Variants in LAMA2 observed in about 807,000 individuals in gnomAD.
LAMA2 encodes laminin subunit alpha-2.
Under a neutral mutation model 364.8 loss-of-function variants are expected in LAMA2, and 269 were observed. That is an observed-to-expected ratio of 0.74 (90% CI 0.67 to 0.82). The LOEUF (loss-of-function observed/expected upper bound fraction) is 0.82. Among genes scored for constraint, LAMA2 ranks in the 40% least tolerant of loss-of-function variants. LAMA2 has a pLI of 0.00. For synonymous variants in LAMA2, 1,379 were observed against 1,370.6 expected (o/e 1.01, Z -0.14); for missense variants, 3,807 against 3,873.2 (o/e 0.98, Z 0.45).
chr6:129,357,841 C>G (rs1310005698), intron 32 of LAMA2, among the ~76,000 whole-genome samples: 6 of 151,854 alleles, frequency 4.0e-5, no homozygotes, highest in Admixed American at 3.9e-4. Context: ...AGTGATTGCC[C>G]CCTATATATG....
chr6:129,157,872 A>G, intron 8 of LAMA2: 1 of 1,614,246 alleles, frequency 6.2e-7, no homozygotes. Context: ...GTTTTTGTTC[A>G]GGCTTTCGTC....
At chr6:128,894,178 C>T (rs183615213) in intron 1 of LAMA2, among the ~76,000 whole-genome samples, 460 of 152,234 alleles carry the variant, frequency 3.0e-3, no homozygotes, top group Middle Eastern at 0.01. Context: ...ATCTACGGAT[C>T]TATCTTACAC....
At chr6:129,506,967 T>A (rs1786136100) in intron 61 of LAMA2, among the ~76,000 whole-genome samples, 1 of 152,090 alleles carries the variant, frequency 6.6e-6, no homozygotes, top group Non-Finnish European at 1.5e-5. Flanking sequence ...CCCCCAATGT[T>A]TCATGCAAAC....
intron 3 of LAMA2, among the ~76,000 whole-genome samples, chr6:129,090,281 G>A (rs1217294684): frequency 6.6e-6 from 1 of 152,058 alleles, no homozygotes; most frequent in African/African-American, 2.4e-5. Flanking sequence ...CACCCCTCCA[G>A]ATTATTGGGA....
intron 12 of LAMA2, among the ~76,000 whole-genome samples, chr6:129,228,039 C>T (rs1784434662): frequency 6.6e-6 from 1 of 152,174 alleles, no homozygotes; most frequent in Admixed American, 6.5e-5. Flanking sequence ...GCGGGCGCCC[C>T]TCTCCCAACC....
chr6:129,416,095 C>T lies in LAMA2; in HGVS notation c.5866-11657C>T, dbSNP rs1162836545. 2.1e-5 allele frequency among the ~76,000 whole-genome samples: 2 copies of T among 95,942 alleles called. 1 individual carries two copies. The highest frequency in any genetic ancestry group is 4.1e-5 in the Non-Finnish European group (2 of 48,970). The allele number at this position is 95,942 out of a possible 152,430, so 62.9% of individuals were successfully genotyped here. A position where few individuals can be genotyped will look rare whatever the true frequency, so the allele number is the denominator to read the frequency against. ...TCCCAAGTAGCTGGGACTACAGGCG[C>T]CCGCCACTACGCCCGGCTAATTTTT... is the stretch of plus-strand genomic sequence containing the variant. On this transcript the variant is annotated intron_variant, in intron 40 of 64. Coordinates refer to ENST00000421865, the MANE Select transcript of LAMA2 (RefSeq NM_000426.4).
At chr6:129,190,093 G>A in intron 10 of LAMA2, 112 bp from the exon 11 acceptor site, 1 of 1,060,886 alleles carries the variant, frequency 9.4e-7, no homozygotes, top group Admixed American at 1.7e-5. Context: ...GTTAAATATA[G>A]TTGAGAGGGT....
At chr6:129,158,155 A>G (rs1205432623) in intron 8 of LAMA2, 1 of 1,612,814 alleles carries the variant, frequency 6.2e-7, no homozygotes, top group Non-Finnish European at 8.5e-7. Context: ...AGCGTAGCAC[A>G]TTTCAGGAAG....
chr6:129,282,282 A>G (rs1315457311), intron 18 of LAMA2, among the ~76,000 whole-genome samples: 1 of 152,214 alleles, frequency 6.6e-6, no homozygotes, highest in Non-Finnish European at 1.5e-5. Flanking sequence ...TTATGTGGCC[A>G]TAAACCCTCT....
intron 1 of LAMA2, among the ~76,000 whole-genome samples, chr6:128,900,443 A>G (rs1777018995): frequency 6.6e-6 from 1 of 152,182 alleles, no homozygotes; most frequent in African/African-American, 2.4e-5. Flanking sequence ...TGATAGAAAA[A>G]TAGAAAAGGA....
At chr6:129,285,033 A>G (rs1371853066) in intron 18 of LAMA2, among the ~76,000 whole-genome samples, 1 of 152,176 alleles carries the variant, frequency 6.6e-6, no homozygotes, top group African/African-American at 2.4e-5. Context: ...AGGGCTTGAC[A>G]TTTCACATTA....
chr6:129,433,172 G>T (rs1583737207), intron 41 of LAMA2, among the ~76,000 whole-genome samples: 2 of 152,134 alleles, frequency 1.3e-5, no homozygotes, highest in African/African-American at 4.8e-5. Flanking sequence ...AAATATAAAG[G>T]TTCAGGAAAT....
At chr6:128,949,906 G>A (rs775335741) in intron 1 of LAMA2, among the ~76,000 whole-genome samples, 35 of 152,152 alleles carry the variant, frequency 2.3e-4, no homozygotes, top group African/African-American at 4.6e-4. Flanking sequence ...TTAACTAGAC[G>A]ATTTGAAACT....
intron 1 of LAMA2, among the ~76,000 whole-genome samples, chr6:128,898,357 T>C (rs1051864519): frequency 6.6e-6 from 1 of 152,224 alleles, no homozygotes; most frequent in Admixed American, 6.5e-5. Flanking sequence ...ACATAGGTAC[T>C]CTGCATTTCC....
intron 3 of LAMA2, among the ~76,000 whole-genome samples, chr6:129,062,575 C>A (rs921887994): frequency 6.6e-5 from 10 of 152,112 alleles, no homozygotes; most frequent in African/African-American, 2.2e-4. Context: ...TTCTAGTATA[C>A]TCTAGTGTGC....
intron 40 of LAMA2, among the ~76,000 whole-genome samples, chr6:129,408,140 G>T (rs1360728723): frequency 6.6e-6 from 1 of 152,082 alleles, no homozygotes; most frequent in African/African-American, 2.4e-5. Flanking sequence ...GGTCACTAGT[G>T]GTGATGGTGA....
At chr6:128,905,255 G>A (rs994876543) in intron 1 of LAMA2, 15 of 152,256 alleles carry the variant, frequency 9.9e-5, no homozygotes, top group East Asian at 3.9e-4. Flanking sequence ...TTTCTGACAC[G>A]TATTTTGATA....
At chr6:129,396,863 G>C (rs2114682239) in intron 37 of LAMA2, among the ~76,000 whole-genome samples, 1 of 151,956 alleles carries the variant, frequency 6.6e-6, no homozygotes, top group East Asian at 1.9e-4. Flanking sequence ...TGTGGTCCCA[G>C]CTACTTGGAG....
At chr6:128,989,655 C>A (rs547948894) in intron 1 of LAMA2, among the ~76,000 whole-genome samples, 2 of 152,150 alleles carry the variant, frequency 1.3e-5, no homozygotes, top group South Asian at 2.1e-4. Context: ...TCACATCAGG[C>A]TTTGCTTATA....
Sources: gnomAD v4.1 joint callset for allele counts (sites outside exome capture counted in the v4.1 genomes callset) on GRCh38, gnomAD v4.1.1 for gene constraint, MANE v1.5 for transcripts, NCBI Gene and HGNC (gene_info 2026-07-23, HGNC 2026-07-21) for gene names.